RBP5: variants seen among roughly 807,000 people sequenced by gnomAD.
RBP5 encodes retinol-binding protein 5.
A neutral mutation model predicts 17.8 loss-of-function variants in RBP5; 12 were observed. The ratio of observed to expected loss-of-function variants is 0.67; its 90% confidence interval spans 0.43 to 1.09. The LOEUF (loss-of-function observed/expected upper bound fraction) is 1.09. RBP5 is among the 50% of genes least tolerant of loss of function. The probability of loss-of-function intolerance (pLI) is 0.00; values close to 1 mark genes in which losing one functional copy is unlikely to be tolerated. For missense variants in RBP5, 172 were observed against 169.4 expected (o/e 1.02, Z -0.09); for synonymous variants, 64 against 68.1 (o/e 0.94, Z 0.30).
At position 7,128,144 on chromosome 12, in the gene RBP5, G is replaced by T; in HGVS notation, c.252+96C>A. 8.8e-7 allele frequency: 1 copy of T among 1,131,606 alleles called. No individual in the cohort carries two copies. Among genetic ancestry groups the T allele is most frequent in the Non-Finnish European group, 1.3e-6 (1 of 798,406 alleles). The allele number at this position is 1,131,606 out of a possible 1,614,324, so 70.1% of individuals were successfully genotyped here. On this transcript the variant is annotated intron_variant, in intron 2 of 3. Transcript: ENST00000266560. This position sits in a 1 kb window ranked among gnomAD's most constrained non-coding sequence, Gnocchi z 5.3. ...GGTGACCATTCCCCTCCTCCCCGCT[G>T]CTCTGGCTGGGGAAGGTCACTTTGT... is the stretch of plus-strand genomic sequence containing the variant.
downstream of RBP5, chr12:7,123,608 G>C (rs1440076022): frequency 6.4e-6 from 1 of 155,538 alleles, no homozygotes; most frequent in Non-Finnish European, 1.4e-5. Flanking sequence ...TGTGTGGGGG[G>C]CTGTGTCTTG....
chr12:7,129,515 G>A (rs2135788575), upstream of RBP5: 1 of 685,666 alleles, frequency 1.5e-6, no homozygotes, highest in East Asian at 1.3e-4. The surrounding 1 kb of genome is among the most constrained non-coding windows in gnomAD (Gnocchi z 5.5). Flanking sequence ...GAGTTTGTTG[G>A]CTATTCTGGA....
downstream of RBP5, chr12:7,121,101 G>A (rs1939075605): frequency 6.6e-6 from 1 of 152,120 alleles, no homozygotes; most frequent in African/African-American, 2.4e-5. Flanking sequence ...CTCTAGGGGA[G>A]GAAGTGCATC....
chr12:7,124,216 G>T lies in RBP5; in HGVS notation c.355-42C>A. The T allele has an allele frequency of 6.3e-7, 1 of 1,594,556 alleles. No homozygotes were observed. The highest frequency in any genetic ancestry group is 8.6e-7 in the Non-Finnish European group (1 of 1,162,606). On this transcript the variant is annotated intron_variant, in intron 3 of 3. Coordinates refer to ENST00000266560, the MANE Select transcript of RBP5 (RefSeq NM_031491.4). The surrounding 1 kb of genome is among the most constrained non-coding windows in gnomAD (Gnocchi z 5.3). Reference sequence around the variant, plus strand: ...AGTGAGGGGGAGAGAGAAAGAGGGCGTTTGCCAGCCAGAGCCCCTTTCTCA... The same window carrying T: ...AGTGAGGGGGAGAGAGAAAGAGGGCTTTTGCCAGCCAGAGCCCCTTTCTCA...
Position 7,128,275 on chromosome 12 carries a change from C to G in RBP5, c.217G>C (p.Glu73Gln), listed in dbSNP as rs1454093736. The change falls in exon 2 of 4, where the codon GAG (glutamate) becomes CAG (glutamine). Residue 73 changes from glutamate to glutamine, a missense_variant. Coordinates refer to ENST00000266560, the MANE Select transcript of RBP5 (RefSeq NM_031491.4). This position sits in a 1 kb window ranked among gnomAD's most constrained non-coding sequence, Gnocchi z 5.3. ...CGTCCGTCCACGCTCCTGAGGTCCT[C>G]CTCAAACTCCACTCCCACATCAAAC... ...VQFDVGVEFE[E>Q]DLRSVDGRKC... is the part of the protein sequence containing the mutation. 6.2e-7 allele frequency: 1 copy of G among 1,614,036 alleles called. No homozygotes were observed. Among genetic ancestry groups the G allele is most frequent in the East Asian group, 2.2e-5 (1 of 44,900 alleles).
At chr12:7,125,536 A>G (rs1304366526) in intron 2 of RBP5, among the ~76,000 whole-genome samples, 1 of 152,178 alleles carries the variant, frequency 6.6e-6, no homozygotes, top group Non-Finnish European at 1.5e-5. Flanking sequence ...TAGGCCCCAA[A>G]CAAGGAGCTC....
At position 7,124,664 on chromosome 12, in the gene RBP5, A is replaced by G; in HGVS notation, c.319T>C (p.Trp107Arg). 6.2e-7 allele frequency: 1 copy of G among 1,612,428 alleles called. No individual in the cohort carries two copies. Among genetic ancestry groups the G allele is most frequent in the Non-Finnish European group, 8.5e-7 (1 of 1,178,928 alleles). Residue 107 changes from tryptophan (W) to arginine (R), a missense_variant, in exon 3 of 4, where the codon TGG (tryptophan) becomes CGG (arginine). Trp to Arg is a moderately radical substitution (Grantham distance 101). Coordinates refer to ENST00000266560, the MANE Select transcript of RBP5 (RefSeq NM_031491.4). This position sits in a 1 kb window ranked among gnomAD's most constrained non-coding sequence, Gnocchi z 5.3. ...VQKGEVPNRG[W>R]RHWLEGEMLY... is the part of the protein sequence containing the mutation. ...ATCTCTCCCTCCAGCCAGTGTCTCC[A>G]GCCCCGGTTGGGGACCTCCCCTTTC...
intron 3 of RBP5, chr12:7,118,557 A>C (rs890014740): frequency 1.3e-5 from 2 of 152,258 alleles, no homozygotes; most frequent in African/African-American, 4.8e-5. Context: ...TATAGAACAG[A>C]GGATGGAGAG....
At position 7,124,242 on chromosome 12, in the gene RBP5, A is replaced by G. The variant is rs1939123426; in HGVS notation, c.355-68T>C. The G allele has an allele frequency of 1.4e-6, 2 of 1,469,786 alleles. No individual in the cohort carries two copies. The highest frequency in any genetic ancestry group is 1.4e-5 in the African/African-American group (1 of 72,056). 91.0% of individuals were successfully genotyped at this position (1,469,786 alleles called of 1,614,324 possible). ...TTTGCCAGCCAGAGCCCCTTTCTCA[A>G]GGTCCTTGACCTCCATTTACTCCTT... On this transcript the variant is annotated intron_variant, in intron 3 of 3. Coordinates refer to ENST00000266560, the MANE Select transcript of RBP5 (RefSeq NM_031491.4). This position sits in a 1 kb window ranked among gnomAD's most constrained non-coding sequence, Gnocchi z 5.3.
exon 4 of RBP5, chr12:7,116,441 C>T (rs1371856864): frequency 1.3e-5 from 2 of 152,296 alleles, no homozygotes; most frequent in African/African-American, 4.8e-5. Context: ...GCTTGTCACT[C>T]ATGCTGTCTA....
rs1213976260 is a variant in RBP5, at chr12:7,128,237, T to C, written c.252+3A>G. The C allele has an allele frequency of 6.2e-6, 10 of 1,607,774 alleles. No individual in the cohort carries two copies. Among genetic ancestry groups the C allele is most frequent in the South Asian group, 1.1e-5 (1 of 90,636 alleles). ...GGCCACCGCCCAGCCAGGGGAAATG[T>C]ACCTGGCATTTTCGTCCGTCCACGC... On this transcript the variant is annotated splice_donor_region_variant and intron_variant, in intron 2 of 3. Transcript: ENST00000266560. This position sits in a 1 kb window ranked among gnomAD's most constrained non-coding sequence, Gnocchi z 5.3.
rs1037315439 is a variant in RBP5, at chr12:7,124,297, A to C, written c.355-123T>G. 3 of 827,484 alleles carry C rather than the reference A, an allele frequency of 3.6e-6. No homozygotes were observed. In the African/African-American group the frequency reaches 5.1e-5, roughly 14 times the overall value. 51.3% of individuals were successfully genotyped at this position (827,484 alleles called of 1,614,324 possible). ...ATACAGCAGCTTGAGTGTTTGATGT[A>C]TGGGCAATTGTATCATTATTCCACA... On this transcript the variant is annotated intron_variant, in intron 3 of 3. Coordinates refer to ENST00000266560, the MANE Select transcript of RBP5 (RefSeq NM_031491.4). This position sits in a 1 kb window ranked among gnomAD's most constrained non-coding sequence, Gnocchi z 5.3.
chr12:7,123,064 C>T (rs74057831), downstream of RBP5, among the ~76,000 whole-genome samples: 136 of 152,242 alleles, frequency 8.9e-4, no homozygotes, highest in African/African-American at 3.2e-3. Context: ...CTTTTCCCAC[C>T]CTCACATTGA....
rs778507590 is a variant in RBP5 at position 7,128,219 on chromosome 12, G to A, written c.252+21C>T. On this transcript the variant is annotated intron_variant, in intron 2 of 3. Coordinates refer to ENST00000266560, the MANE Select transcript of RBP5 (RefSeq NM_031491.4). This position sits in a 1 kb window ranked among gnomAD's most constrained non-coding sequence, Gnocchi z 5.3. ...CCTGTGATGCCTCCTTCCGGCCACCGCCCAGCCAGGGGAAATGTACCTGGC... is the reference window on the plus strand; with the variant it reads ...CCTGTGATGCCTCCTTCCGGCCACCACCCAGCCAGGGGAAATGTACCTGGC... The A allele has an allele frequency of 3.8e-5, 61 of 1,593,092 alleles. No individual in the cohort carries two copies. The highest frequency in any genetic ancestry group is 5.0e-5 in the Non-Finnish European group (58 of 1,167,294).
chr12:7,129,068 GA>G, upstream of RBP5: 11 of 1,154 alleles, frequency 9.5e-3, no homozygotes, highest in South Asian at 0.18. The surrounding 1 kb of genome is among the most constrained non-coding windows in gnomAD (Gnocchi z 5.5). Context: ...AAGGAACCTG[GA>G]GCAGGATCCT....
In RBP5 at chr12:7,117,922, A is replaced by G. The variant is rs1939025431; in HGVS notation, n.890-615T>C. 6.6e-6 allele frequency: 1 copy of G among 152,114 alleles called. No homozygotes were observed. The highest frequency in any genetic ancestry group is 6.5e-5 in the Admixed American group (1 of 15,280). The allele number at this position is 152,114 out of a possible 1,614,324, so 9.4% of individuals were successfully genotyped here. Reference sequence around the variant, plus strand: ...GTAAAGGACTCTTTAAATTCACTCCATCTGTGCTTTGCTTGCCAATAGCAG... The same window carrying G: ...GTAAAGGACTCTTTAAATTCACTCCGTCTGTGCTTTGCTTGCCAATAGCAG... On this transcript the variant is annotated intron_variant and non_coding_transcript_variant, in intron 3 of 3. Coordinates refer to the RBP5 transcript ENST00000619522. The surrounding 1 kb of genome is among the most constrained non-coding windows in gnomAD (Gnocchi z 4.9).
In RBP5 at chr12:7,124,244, G is replaced by T; in HGVS notation, c.355-70C>A. On this transcript the variant is annotated intron_variant, in intron 3 of 3. Coordinates refer to ENST00000266560, the MANE Select transcript of RBP5 (RefSeq NM_031491.4). This position sits in a 1 kb window ranked among gnomAD's most constrained non-coding sequence, Gnocchi z 5.3. ...TGCCAGCCAGAGCCCCTTTCTCAAG[G>T]TCCTTGACCTCCATTTACTCCTTCC... 7.1e-7 allele frequency: 1 copy of T among 1,410,018 alleles called. No individual in the cohort carries two copies. The allele number at this position is 1,410,018 out of a possible 1,614,324, so 87.3% of individuals were successfully genotyped here.
chr12:7,116,850 G>C (rs900255316), exon 4 of RBP5: 3 of 150,280 alleles, frequency 2.0e-5, no homozygotes, highest in Non-Finnish European at 2.9e-5. Context: ...GTCAGGATGG[G>C]GTCATTTGCA....
At chr12:7,118,089 A>G (rs775982197) in intron 3 of RBP5, 1 of 152,142 alleles carries the variant, frequency 6.6e-6, no homozygotes, top group Non-Finnish European at 1.5e-5. Flanking sequence ...ATAAACCCTC[A>G]TTCAAGAGGC....
Sources: allele counts gnomAD v4.1 joint callset (sites outside exome capture counted in the v4.1 genomes callset), GRCh38; gene constraint gnomAD v4.1.1; non-coding constraint Gnocchi (gnomAD v3.1); transcripts MANE v1.5; gene names NCBI Gene and HGNC (gene_info 2026-07-23, HGNC 2026-07-21).